The following ADGRL2 variants were observed in gnomAD, a reference collection of about 807,000 sequenced individuals.
The protein encoded by ADGRL2 is calcium-independent alpha-latrotoxin receptor 2.
In ADGRL2, 44 loss-of-function variants were observed where a neutral mutation model predicts 157.4. That is an observed-to-expected ratio of 0.28 (90% confidence interval 0.22 to 0.36). The LOEUF is 0.36. Among genes scored for constraint, ADGRL2 ranks in the 10% least tolerant of loss-of-function variants. The pLI is 1.00. For synonymous variants in ADGRL2, 585 were observed against 624.7 expected (o/e 0.94, Z 0.95); for missense variants, 1,510 against 1,768.9 (o/e 0.85, Z 2.63).
intron 1 of ADGRL2, among the ~76,000 whole-genome samples, chr1:81,706,496 G>A (rs188903545): frequency 2.2e-4 from 34 of 152,220 alleles, no homozygotes; most frequent in African/African-American, 4.1e-4. Flanking sequence ...GAGAAGAGCA[G>A]TGTGCAGGTG....
chr1:81,402,610 C>G (rs1204117451), intron 1 of ADGRL2, among the ~76,000 whole-genome samples: 1 of 152,216 alleles, frequency 6.6e-6, no homozygotes, highest in African/African-American at 2.4e-5. Context: ...AAAAATTCCT[C>G]CTGAACTTCC....
intron 1 of ADGRL2, among the ~76,000 whole-genome samples, chr1:81,814,980 T>C (rs1461179263): frequency 6.6e-6 from 1 of 151,696 alleles, no homozygotes; most frequent in Non-Finnish European, 1.5e-5. Flanking sequence ...AGGAAATCCC[T>C]AAAATTCAGA....
At chr1:81,422,906 C>G (rs531080145) in intron 1 of ADGRL2, among the ~76,000 whole-genome samples, 1 of 152,242 alleles carries the variant, frequency 6.6e-6, no homozygotes, top group African/African-American at 2.4e-5. Context: ...CAAATCTATG[C>G]TGTGTTGTGT....
chr1:81,379,959 A>G (rs961533591), intron 1 of ADGRL2, among the ~76,000 whole-genome samples: 2 of 151,632 alleles, frequency 1.3e-5, no homozygotes, highest in Non-Finnish European at 2.9e-5. Flanking sequence ...TCTACTCAAC[A>G]CTTCCCTTCC....
chr1:81,851,675 T>C (rs1181747918), intron 2 of ADGRL2, among the ~76,000 whole-genome samples: 3 of 151,776 alleles, frequency 2.0e-5, no homozygotes, highest in Non-Finnish European at 2.9e-5. Flanking sequence ...GTTTATAGCT[T>C]GTAATTTATA....
chr1:81,695,117 C>T (rs543360618), upstream of ADGRL2, among the ~76,000 whole-genome samples: 3 of 152,144 alleles, frequency 2.0e-5, no homozygotes, highest in East Asian at 3.9e-4. Flanking sequence ...ATTATTCAGT[C>T]TCTTCTAGAT....
chr1:81,711,661 G>T (rs570815450), intron 1 of ADGRL2, among the ~76,000 whole-genome samples: 2 of 152,210 alleles, frequency 1.3e-5, no homozygotes, highest in Non-Finnish European at 2.9e-5. Context: ...CATATGGTTT[G>T]GTGCCACAGT....
rs996012152 is a variant in ADGRL2 at position 81,736,776 on chromosome 1, A to G, written c.-142-25035A>G. ...ATGCCACCTGGAATTTTACATGAGT[A>G]TTCTTATCCCATCTATTTATAAGGT... On this transcript the variant is annotated intron_variant, in intron 1 of 20. Transcript: ENST00000359929. Among the ~76,000 whole-genome samples the G allele has an allele frequency of 2.0e-5, 3 of 152,264 alleles. No homozygotes were observed. In the East Asian group the frequency reaches 5.8e-4, roughly 29 times the overall value.
At chr1:81,419,956 A>G (rs1463303240) in intron 1 of ADGRL2, among the ~76,000 whole-genome samples, 2 of 152,228 alleles carry the variant, frequency 1.3e-5, no homozygotes, top group East Asian at 3.8e-4. Context: ...AGGATTAGAT[A>G]TAATTATAAC....
chr1:81,360,773 A>C (rs950542808), intron 1 of ADGRL2, among the ~76,000 whole-genome samples: 1 of 151,948 alleles, frequency 6.6e-6, no homozygotes, highest in African/African-American at 2.4e-5. Context: ...AGGAAGAAAA[A>C]GAAATTACAC....
chr1:81,750,089 G>A (rs558230129), intron 1 of ADGRL2, among the ~76,000 whole-genome samples: 1 of 152,274 alleles, frequency 6.6e-6, no homozygotes, highest in South Asian at 2.1e-4. Flanking sequence ...CATGTGATAT[G>A]CAATAGCATT....
chr1:81,397,724 G>A (rs910468863), intron 1 of ADGRL2, among the ~76,000 whole-genome samples: 1 of 152,136 alleles, frequency 6.6e-6, no homozygotes, highest in African/African-American at 2.4e-5. Context: ...GACATTTGCA[G>A]CCTAACATGT....
At chr1:81,487,259 C>CA (rs1213391950) in intron 2 of ADGRL2, among the ~76,000 whole-genome samples, 1 of 151,432 alleles carries the variant, frequency 6.6e-6, no homozygotes, top group Non-Finnish European at 1.5e-5. Flanking sequence ...GACTCTGTTT[C>CA]AAAAAAACGA....
chr1:81,922,597 A>C (rs2095010556), intron 3 of ADGRL2, among the ~76,000 whole-genome samples: 1 of 152,292 alleles, frequency 6.6e-6, no homozygotes, highest in East Asian at 1.9e-4. Flanking sequence ...TATAGATATT[A>C]TTCAGATGTG....
chr1:81,910,196 G>A (rs984472959), intron 3 of ADGRL2, among the ~76,000 whole-genome samples: 1 of 151,144 alleles, frequency 6.6e-6, no homozygotes, highest in African/African-American at 2.4e-5. Flanking sequence ...CCAAGATCAC[G>A]CCACTGAACT....
At chr1:81,642,109 G>A (rs938975668) in intron 3 of ADGRL2, among the ~76,000 whole-genome samples, 1 of 151,574 alleles carries the variant, frequency 6.6e-6, no homozygotes, top group African/African-American at 2.4e-5. Flanking sequence ...TTAGCCAGGT[G>A]TGGTGGTGGG....
chr1:81,678,673 T>G (rs2083045571), intron 3 of ADGRL2, among the ~76,000 whole-genome samples: 1 of 152,244 alleles, frequency 6.6e-6, no homozygotes, highest in Non-Finnish European at 1.5e-5. Flanking sequence ...ACTTTGCCAC[T>G]ACCTCTCAGA....
intron 16 of ADGRL2, 39 bp downstream of exon 16, chr1:81,970,573 A>G: frequency 6.6e-7 from 1 of 1,513,808 alleles, no homozygotes; most frequent in African/African-American, 1.4e-5. Context: ...TTTCAAGTGA[A>G]TAATTTTTTA....
At chr1:81,467,961 G>GT (rs1243216377) in intron 2 of ADGRL2, among the ~76,000 whole-genome samples, 2 of 152,110 alleles carry the variant, frequency 1.3e-5, no homozygotes, top group African/African-American at 2.4e-5. Context: ...AAATTTAAAT[G>GT]TTTTTTCTAA....
Sources: gnomAD v4.1 joint callset for allele counts (sites outside exome capture counted in the v4.1 genomes callset) on GRCh38, gnomAD v4.1.1 for gene constraint, MANE v1.5 for transcripts, NCBI Gene and HGNC (gene_info 2026-07-23, HGNC 2026-07-21) for gene names.